Variants in ST7 observed in about 807,000 individuals in gnomAD.
The protein encoded by ST7 is suppression of tumorigenicity 7.
ST7 carries 28 observed loss-of-function variants against 78.7 expected under a neutral mutation model. The observed-to-expected ratio is 0.36, with a 90% CI of 0.26 to 0.49. The LOEUF is 0.49. Ranked by LOEUF, ST7 falls within the 20% of genes least tolerant of loss-of-function variation. The pLI is 0.99. For synonymous variants in ST7, 247 were observed against 249.6 expected, an observed-to-expected ratio of 0.99 and a Z score of 0.10; for missense variants, 418 against 696.0, an observed-to-expected ratio of 0.60 and a Z score of 4.49.
chr7:116,980,195 A>G (rs1160770289), intron 1 of ST7, among the ~76,000 whole-genome samples: 1 of 151,826 alleles, frequency 6.6e-6, no homozygotes, highest in Non-Finnish European at 1.5e-5. Flanking sequence ...CTGGCCTCAA[A>G]TGATATGCCC....
intron 9 of ST7, among the ~76,000 whole-genome samples, chr7:117,163,282 G>A (rs929350374): frequency 2.6e-5 from 4 of 152,028 alleles, no homozygotes; most frequent in South Asian, 2.1e-4. Flanking sequence ...CCTTTCCTTT[G>A]GATAAATGCC....
chr7:117,187,174 A>G (rs1284521527), intron 10 of ST7, among the ~76,000 whole-genome samples: 1 of 152,196 alleles, frequency 6.6e-6, no homozygotes, highest in African/African-American at 2.4e-5. Flanking sequence ...AACATTGAAA[A>G]TATCTAAATA....
At chr7:117,007,159 T>C (rs536191081) in intron 1 of ST7, among the ~76,000 whole-genome samples, 12 of 152,326 alleles carry the variant, frequency 7.9e-5, no homozygotes, top group African/African-American at 2.2e-4. Flanking sequence ...AAAGCTGACA[T>C]AGGCCAGAAG....
chr7:117,182,844 AAT>A (rs1366700912), intron 10 of ST7: 2 of 152,224 alleles, frequency 1.3e-5, no homozygotes, highest in Non-Finnish European at 2.9e-5. Flanking sequence ...AGTTCTGAAG[AAT>A]ATGTCAGTTG....
intron 9 of ST7, among the ~76,000 whole-genome samples, chr7:117,167,103 G>T (rs150697490): frequency 0.12 from 18,016 of 150,760 alleles, 1,222 homozygotes; most frequent in Non-Finnish European, 0.16. Flanking sequence ...TAAGTTTTAG[G>T]GTACATGTGC....
chr7:117,109,106 T>G (rs1014155075), intron 2 of ST7, among the ~76,000 whole-genome samples: 1 of 152,206 alleles, frequency 6.6e-6, no homozygotes, highest in South Asian at 2.1e-4. Flanking sequence ...TTCTCTTGTC[T>G]GATTGCTGTG....
At chr7:117,005,531 G>A (rs1795121238) in intron 1 of ST7, among the ~76,000 whole-genome samples, 1 of 152,120 alleles carries the variant, frequency 6.6e-6, no homozygotes, top group South Asian at 2.1e-4. Context: ...AGGTTTTAAT[G>A]AAATGCTAAA....
chr7:116,959,609 G>T (rs1486244526), intron 1 of ST7: 2 of 175,974 alleles, frequency 1.1e-5, no homozygotes, highest in Admixed American at 6.2e-5. Flanking sequence ...GCTTTAGATT[G>T]TGGTCAGAGG....
chr7:117,150,692 C>G (rs967605973), intron 9 of ST7, among the ~76,000 whole-genome samples: 5 of 152,180 alleles, frequency 3.3e-5, no homozygotes, highest in African/African-American at 1.2e-4. Flanking sequence ...ATTCTAAATA[C>G]AGGCTGTAAG....
chr7:116,970,272 A>T (rs1793350371), intron 1 of ST7, among the ~76,000 whole-genome samples: 1 of 152,146 alleles, frequency 6.6e-6, no homozygotes, highest in Admixed American at 6.5e-5. Context: ...TGGGTACAGA[A>T]ATTAGGGAAG....
intron 1 of ST7, among the ~76,000 whole-genome samples, chr7:117,012,790 T>C (rs1255630000): frequency 6.6e-6 from 1 of 152,180 alleles, no homozygotes; most frequent in Non-Finnish European, 1.5e-5. Flanking sequence ...GTGGCTGAGA[T>C]GGGAGTTGAA....
At chr7:117,207,525 A>G (rs111499812) in intron 12 of ST7, among the ~76,000 whole-genome samples, 33 of 152,304 alleles carry the variant, frequency 2.2e-4, no homozygotes, top group African/African-American at 7.7e-4. Context: ...AAGGTTCTTT[A>G]GGCTAAGAGA....
intron 1 of ST7, among the ~76,000 whole-genome samples, chr7:116,978,558 A>T (rs1392985343): frequency 6.6e-6 from 1 of 151,880 alleles, no homozygotes; most frequent in African/African-American, 2.4e-5. Flanking sequence ...AGCAGGAAAC[A>T]TATCATACAT....
chr7:116,963,080 T>G (rs1248297799), intron 1 of ST7, among the ~76,000 whole-genome samples: 1 of 152,244 alleles, frequency 6.6e-6, no homozygotes, highest in Non-Finnish European at 1.5e-5. Flanking sequence ...TCTATAGGCT[T>G]GGCTCTCACA....
intron 1 of ST7, among the ~76,000 whole-genome samples, chr7:117,050,390 G>A (rs543803648): frequency 3.3e-5 from 5 of 152,262 alleles, no homozygotes; most frequent in South Asian, 2.1e-4. Flanking sequence ...AAGTGGCTAC[G>A]AAATTATTAC....
chr7:116,989,401 G>T (rs1054329056), intron 1 of ST7, among the ~76,000 whole-genome samples: 1 of 152,046 alleles, frequency 6.6e-6, no homozygotes, highest in Non-Finnish European at 1.5e-5. Context: ...CTTCATTGAG[G>T]TATCATTTAT....
intron 1 of ST7, among the ~76,000 whole-genome samples, chr7:116,992,769 T>G (rs1275324150): frequency 1.3e-5 from 2 of 152,224 alleles, no homozygotes; most frequent in Non-Finnish European, 2.9e-5. Flanking sequence ...TTCTGAAGTT[T>G]TATGCTCTGC....
At chr7:117,139,415 A>C (rs1411979896) in intron 9 of ST7, among the ~76,000 whole-genome samples, 1 of 152,186 alleles carries the variant, frequency 6.6e-6, no homozygotes, top group Non-Finnish European at 1.5e-5. Context: ...CTCAATTCTC[A>C]GCTCATGGAT....
At chr7:117,050,232 A>G (rs1025122333) in intron 1 of ST7, among the ~76,000 whole-genome samples, 3 of 151,872 alleles carry the variant, frequency 2.0e-5, no homozygotes, top group Non-Finnish European at 4.4e-5. Flanking sequence ...AAAAAAAGAA[A>G]AAAAGAAAAA....
Sources: gnomAD v4.1 joint callset for allele counts (sites outside exome capture counted in the v4.1 genomes callset) on GRCh38, gnomAD v4.1.1 for gene constraint, MANE v1.5 for transcripts, NCBI Gene and HGNC (gene_info 2026-07-23, HGNC 2026-07-21) for gene names.